The following ZNF37A variants were observed in gnomAD, a reference collection of about 807,000 sequenced individuals.
ZNF37A encodes the protein zinc finger protein 37A.
In ZNF37A, 10 loss-of-function variants were observed where a neutral mutation model predicts 12.3. The ratio of observed to expected loss-of-function variants is 0.82; its 90% CI spans 0.50 to 1.38. The LOEUF (loss-of-function observed/expected upper bound fraction) is 1.38. Among genes scored for constraint, ZNF37A ranks in the 40% most tolerant of loss-of-function variants. The probability of loss-of-function intolerance (pLI) is 0.00; values close to 1 mark genes in which losing one functional copy is unlikely to be tolerated. For synonymous variants in ZNF37A, 207 were observed against 223.0 expected, an observed-to-expected ratio of 0.93 and a Z score of 0.64; for missense variants, 580 against 651.2, an observed-to-expected ratio of 0.89 and a Z score of 1.19.
Position 38,095,621 on chromosome 10 carries a change from G to T in ZNF37A, c.-114G>T, listed in dbSNP as rs1395902588. 2 of 152,164 alleles carry T rather than the reference G, an allele frequency of 1.3e-5. No individual in the cohort carries two copies. Among genetic ancestry groups the T allele is most frequent in the African/African-American group, 2.4e-5 (1 of 41,420 alleles). The allele number at this position is 152,164 out of a possible 1,614,324, so 9.4% of individuals were successfully genotyped here. On this transcript the variant is annotated 5_prime_UTR_variant, in exon 3 of 8. Transcript: ENST00000685332. Reference sequence around the variant, plus strand: ...ATCTTACAGAATCAGAGGTACAGCCGCGAGAAAGGTCTGTAAGTTATCTAT... The same window carrying T: ...ATCTTACAGAATCAGAGGTACAGCCTCGAGAAAGGTCTGTAAGTTATCTAT...
intron 7 of ZNF37A, chr10:38,140,375 T>C (rs1422019126): frequency 6.6e-6 from 1 of 152,250 alleles, no homozygotes; most frequent in Non-Finnish European, 1.5e-5. Flanking sequence ...CTTTTCATTT[T>C]CATTTACACT....
intron 6 of ZNF37A, 98 bp from the exon 7 acceptor site, chr10:38,115,096 TG>T (rs2069146825): frequency 2.0e-6 from 2 of 1,015,010 alleles, no homozygotes; most frequent in East Asian, 5.2e-5. Flanking sequence ...TGTGTGTGTG[TG>T]TGTGTGTGTG....
In ZNF37A at chr10:38,121,055, G is replaced by GA. The variant is rs932435720; in HGVS notation, c.*2221dup. On this transcript the variant is annotated 3_prime_UTR_variant, in exon 8 of 8. Coordinates refer to ENST00000685332, the MANE Select transcript of ZNF37A (RefSeq NM_001324250.3). ...AGTGGAGTATTCAAAAACTTGCTTA[G>GA]AAAGAAAACTCTAGGAACAGATGGC... 1 of 152,050 alleles carries GA rather than the reference G, an allele frequency of 6.6e-6. No homozygotes were observed. Among genetic ancestry groups the GA allele is most frequent in the African/African-American group, 2.4e-5 (1 of 41,418 alleles). The allele number at this position is 152,050 out of a possible 1,614,324, so 9.4% of individuals were successfully genotyped here.
chr10:38,098,491 G>A (rs2067318180), intron 5 of ZNF37A, among the ~76,000 whole-genome samples: 3 of 152,050 alleles, frequency 2.0e-5, no homozygotes, highest in Admixed American at 2.0e-4. Context: ...TATTGCATTG[G>A]GTAAGTATTG....
intron 5 of ZNF37A, among the ~76,000 whole-genome samples, chr10:38,104,455 GGT>G (rs1491446341): frequency 6.8e-6 from 1 of 146,248 alleles, no homozygotes; most frequent in East Asian, 2.1e-4. Flanking sequence ...GATGCTGAGA[GGT>G]GTTTTTTGTT....
rs765559194 is a variant in ZNF37A at position 38,118,858 on chromosome 10, CAG to C, written c.*23_*24del. The C allele has an allele frequency of 1.9e-6, 3 of 1,540,674 alleles. No homozygotes were observed. Among genetic ancestry groups the C allele is most frequent in the Admixed American group, 4.2e-5 (2 of 47,184 alleles). ...GGTGAAGTCAGAACTTTGTAGAACA[CAG>C]AACATAAAGGGTGAGAGAAATCTGT... On this transcript the variant is annotated 3_prime_UTR_variant, in exon 8 of 8. Transcript: ENST00000685332.
intron 7 of ZNF37A, among the ~76,000 whole-genome samples, chr10:38,134,383 T>A (rs2070076342): frequency 6.6e-6 from 1 of 152,238 alleles, no homozygotes; most frequent in Non-Finnish European, 1.5e-5. Context: ...ATTTTTAGAA[T>A]TTTTACCTTT....
chr10:38,129,968 A>G (rs1056115559), downstream of ZNF37A, among the ~76,000 whole-genome samples: 1 of 152,186 alleles, frequency 6.6e-6, no homozygotes. Context: ...ATAACCATCA[A>G]TACTATCTAT....
chr10:38,146,631 A>G, intron 7 of ZNF37A: 1 of 393,616 alleles, frequency 2.5e-6, no homozygotes, highest in Non-Finnish European at 4.5e-6. Context: ...GTAGATCCAT[A>G]TAGGCAGTTT....
intron 5 of ZNF37A, among the ~76,000 whole-genome samples, chr10:38,099,991 G>A (rs547673568): frequency 3.9e-5 from 6 of 152,168 alleles, no homozygotes; most frequent in African/African-American, 1.2e-4. Context: ...CCTAAGCATC[G>A]GCCAGTTTGA....
intron 7 of ZNF37A, among the ~76,000 whole-genome samples, chr10:38,116,017 CTG>C (rs1023018224): frequency 3.9e-5 from 6 of 152,198 alleles, no homozygotes; most frequent in Non-Finnish European, 8.8e-5. Flanking sequence ...CTGCAGTTAA[CTG>C]TGTTTGTGCC....
At chr10:38,126,613 C>G (rs1375129281), downstream of ZNF37A, among the ~76,000 whole-genome samples, 3 of 152,196 alleles carry the variant, frequency 2.0e-5, no homozygotes, top group Admixed American at 6.5e-5. Flanking sequence ...CTCACAGCCA[C>G]TCAGATCAGG....
In ZNF37A at chr10:38,115,262, G is replaced by T; in HGVS notation, c.210G>T (p.Glu70Asp). 6.2e-7 allele frequency: 1 copy of T among 1,613,674 alleles called. No individual in the cohort carries two copies. The highest frequency in any genetic ancestry group is 8.5e-7 in the Non-Finnish European group (1 of 1,179,886). Residue 70 changes from glutamate (E) to aspartate (D), a missense_variant, in exon 7 of 8, where the codon GAG (glutamate) becomes GAT (aspartate). Transcript: ENST00000685332. Reference sequence around the variant, plus strand: ...AAGGCGAGGAGCCATGGATATTAGAGGAAAAATTTCCAAGCCAGAGTCATC... The same window carrying T: ...AAGGCGAGGAGCCATGGATATTAGATGAAAAATTTCCAAGCCAGAGTCATC... ...LEKGEEPWIL[E>D]EKFPSQSHLE...
intron 7 of ZNF37A, among the ~76,000 whole-genome samples, chr10:38,132,956 CA>C (rs2070052214): frequency 6.6e-6 from 1 of 151,942 alleles, no homozygotes. Flanking sequence ...GAGGGTTTGT[CA>C]TTAGGTGCAT....
chr10:38,112,479 T>A (rs148312982), intron 5 of ZNF37A, among the ~76,000 whole-genome samples: 42 of 152,002 alleles, frequency 2.8e-4, no homozygotes, highest in Admixed American at 2.0e-3. Context: ...TTAAAAAAAA[T>A]TTGTGCAACC....
chr10:38,106,278 A>G (rs2135932448), intron 5 of ZNF37A, among the ~76,000 whole-genome samples: 1 of 152,346 alleles, frequency 6.6e-6, no homozygotes, highest in East Asian at 1.9e-4. Context: ...GAAAACTAAC[A>G]AAGAGAAAGG....
chr10:38,099,217 A>C (rs1050851364), intron 5 of ZNF37A, among the ~76,000 whole-genome samples: 13 of 152,194 alleles, frequency 8.5e-5, no homozygotes, highest in African/African-American at 2.9e-4. Flanking sequence ...TCGTACATAT[A>C]ATCTCCAGAA....
chr10:38,112,781 T>G lies in ZNF37A; in HGVS notation c.16-1974T>G, dbSNP rs1564932382. Among the ~76,000 whole-genome samples, 26 of 55,306 alleles carry G rather than the reference T, an allele frequency of 4.7e-4. 3 individuals carry two copies. The highest frequency in any genetic ancestry group is 1.1e-3 in the African/African-American group (15 of 14,174). The allele number at this position is 55,306 out of a possible 152,430, so 36.3% of individuals were successfully genotyped here. A position where few individuals can be genotyped will look rare whatever the true frequency, so the allele number is the denominator to read the frequency against. On this transcript the variant is annotated intron_variant, in intron 5 of 7. Coordinates refer to ENST00000685332, the MANE Select transcript of ZNF37A (RefSeq NM_001324250.3). ...TTTTCTTTTCTTTTCTTTTCTTTTC[T>G]TTTCTTTTCTTTTCTTGTCTTGTCT... is the stretch of plus-strand genomic sequence containing the variant.
chr10:38,112,059 C>T (rs752478907), intron 5 of ZNF37A, among the ~76,000 whole-genome samples: 20 of 151,050 alleles, frequency 1.3e-4, no homozygotes, highest in African/African-American at 1.9e-4. Context: ...TGAATTCTCT[C>T]TCTTTAGCTT....
Sources: allele counts gnomAD v4.1 joint callset (sites outside exome capture counted in the v4.1 genomes callset), GRCh38; gene constraint gnomAD v4.1.1; transcripts MANE v1.5; gene names NCBI Gene and HGNC (gene_info 2026-07-23, HGNC 2026-07-21).